Variants in PITPNM1 observed in about 807,000 individuals in gnomAD.
The protein encoded by PITPNM1 is phosphatidylinositol transfer protein membrane associated 1, also known as membrane-associated phosphatidylinositol transfer protein 1.
PITPNM1 carries 74 observed loss-of-function variants against 133.3 expected under a neutral mutation model. The observed-to-expected ratio is 0.56, with a 90% CI of 0.46 to 0.67. PITPNM1 has a LOEUF of 0.67. PITPNM1 is among the 30% of genes least tolerant of loss of function. The pLI, the probability that PITPNM1 is intolerant of heterozygous loss-of-function variation, is 0.00. For synonymous variants in PITPNM1, 738 were observed against 741.4 expected (o/e 1.00, Z 0.08); for missense variants, 1,398 against 1,739.5 (o/e 0.80, Z 3.49).
rs1866413630 is a variant in PITPNM1 at position 67,504,035 on chromosome 11, G to A, written c.78+68C>T. The A allele has an allele frequency of 1.6e-6, 2 of 1,287,586 alleles. No individual in the cohort carries two copies. Among genetic ancestry groups the A allele is most frequent in the Non-Finnish European group, 1.1e-6 (1 of 932,580 alleles). The allele number at this position is 1,287,586 out of a possible 1,614,324, so 79.8% of individuals were successfully genotyped here. On this transcript the variant is annotated intron_variant, in intron 2 of 23. Coordinates refer to ENST00000356404, the MANE Select transcript of PITPNM1 (RefSeq NM_004910.3). The surrounding 1 kb of genome is among the most constrained non-coding windows in gnomAD (Gnocchi z 5.4). Reference sequence around the variant, plus strand: ...CGGGCTCCCAGCCGGTCCCAGCCCCGGGGCAGGGCTGGCGGGGTCGGCAGG... The same window carrying A: ...CGGGCTCCCAGCCGGTCCCAGCCCCAGGGCAGGGCTGGCGGGGTCGGCAGG...
Position 67,501,973 on chromosome 11 carries a change from C to A in PITPNM1, c.529G>T (p.Ala177Ser). 6.2e-7 allele frequency: 1 copy of A among 1,613,586 alleles called. No homozygotes were observed. The highest frequency in any genetic ancestry group is 1.1e-5 in the South Asian group (1 of 91,090). ...TGRGPLSDDW[A>S]RTAAQTGPLM... ...GGCCCCGTCTGTGCCGCCGTCCGTG[C>A]CCAGTCATCAGACAGTGGCCCTCGG... Residue 177 changes from alanine to serine, a missense_variant, in exon 5 of 24, where the codon GCA (alanine) becomes TCA (serine). Physicochemically the swap from Ala to Ser is moderately conservative, Grantham distance 99 (BLOSUM62 1). Coordinates refer to ENST00000356404, the MANE Select transcript of PITPNM1 (RefSeq NM_004910.3).
At chr11:67,492,360 G>C in intron 23 of PITPNM1, 64 bp from the exon 24 acceptor site, 9 of 1,453,584 alleles carry the variant, frequency 6.2e-6, no homozygotes, top group Non-Finnish European at 6.4e-6. Flanking sequence ...TGCCCTCCAC[G>C]GTCCTCCAGA....
chr11:67,502,348 C>T lies in PITPNM1; in HGVS notation c.359G>A (p.Gly120Glu). 1 of 1,613,716 alleles carries T rather than the reference C, an allele frequency of 6.2e-7. No homozygotes were observed. The highest frequency in any genetic ancestry group is 8.5e-7 in the Non-Finnish European group (1 of 1,179,992). The change falls in exon 4 of 24, where the codon GGG becomes GAG. Residue 120 changes from glycine (G) to glutamate (E), a missense_variant. This residue lies in a region of PITPNM1 where 274 missense variants were observed against 360.7 expected (regional missense o/e 0.76). Transcript: ENST00000356404. This position sits in a 1 kb window ranked among gnomAD's most constrained non-coding sequence, Gnocchi z 5.9. ...CAGGTTGAAGACGTTTGGCTGCTGCCCCCCATCAGGCAGGTAATAGGTCTC... is the reference window on the plus strand; with the variant it reads ...CAGGTTGAAGACGTTTGGCTGCTGCTCCCCATCAGGCAGGTAATAGGTCTC... Reference protein sequence around the residue: ...EIETYYLPDGGQQPNVFNLSG... With the variant: ...EIETYYLPDGEQQPNVFNLSG...
Position 67,502,548 on chromosome 11 carries a change from C to T in PITPNM1, c.249G>A (p.Gln83=). ...FRALLPKAAL[Q]VEEESWNAYP... is the part of the protein sequence containing the mutation. ...AGGCATTCCAGGATTCCTCTTCTACCTGCAGGGCAGCCTTGGGCAGCAGTG... is the reference window on the plus strand; with the variant it reads ...AGGCATTCCAGGATTCCTCTTCTACTTGCAGGGCAGCCTTGGGCAGCAGTG... The change falls in exon 3 of 24, where the codon CAG becomes CAA. Residue 83 remains glutamine, a synonymous_variant. Coordinates refer to ENST00000356404, the MANE Select transcript of PITPNM1 (RefSeq NM_004910.3). This position sits in a 1 kb window ranked among gnomAD's most constrained non-coding sequence, Gnocchi z 5.9. 1 of 1,613,740 alleles carries T rather than the reference C, an allele frequency of 6.2e-7. No individual in the cohort carries two copies. Among genetic ancestry groups the T allele is most frequent in the Non-Finnish European group, 8.5e-7 (1 of 1,180,008 alleles).
chr11:67,498,206 G>A lies in PITPNM1; in HGVS notation c.1601C>T (p.Thr534Ile). Residue 534 changes from threonine (T) to isoleucine (I), a missense_variant, in exon 11 of 24, where the codon ACC becomes ATC. Around this residue, in one of 5 missense-constraint regions of PITPNM1, gnomAD observed 574 missense variants for 698.7 expected, o/e 0.82. Transcript: ENST00000356404. The surrounding 1 kb of genome is among the most constrained non-coding windows in gnomAD (Gnocchi z 5.7). ...SSSRYQGAVATVIARTNQAYS... is the reference protein window; with the variant it reads ...SSSRYQGAVAIVIARTNQAYS... ...GGCCTGGTTGGTGCGGGCAATGACG[G>A]TGGCCACGGCGCCCTGGTAGCGGGA... 1 of 1,613,206 alleles carries A rather than the reference G, an allele frequency of 6.2e-7. No homozygotes were observed. The highest frequency in any genetic ancestry group is 8.5e-7 in the Non-Finnish European group (1 of 1,179,888).
Position 67,494,966 on chromosome 11 carries a change from A to C in PITPNM1, c.2632-10T>G. On this transcript the variant is annotated splice_polypyrimidine_tract_variant and intron_variant, in intron 17 of 23. Coordinates refer to ENST00000356404, the MANE Select transcript of PITPNM1 (RefSeq NM_004910.3). ...GCTCCTTCTCGATCACCTGCACGGG[A>C]CAGGGGGCGAGGCCTCTGTCTCTTA... is the stretch of plus-strand genomic sequence containing the variant. 9 of 1,611,266 alleles carry C rather than the reference A, an allele frequency of 5.6e-6. No individual in the cohort carries two copies. Among genetic ancestry groups the C allele is most frequent in the Non-Finnish European group, 7.6e-6 (9 of 1,179,008 alleles).
rs1302165290 is a variant in PITPNM1 at position 67,502,184 on chromosome 11, G to C, written c.416-98C>G. 120 of 1,552,480 alleles carry C rather than the reference G, an allele frequency of 7.7e-5. No individual in the cohort carries two copies. Among genetic ancestry groups the C allele is most frequent in the Non-Finnish European group, 1.0e-4 (117 of 1,141,064 alleles). On this transcript the variant is annotated intron_variant, in intron 4 of 23. Coordinates refer to ENST00000356404, the MANE Select transcript of PITPNM1 (RefSeq NM_004910.3). This position sits in a 1 kb window ranked among gnomAD's most constrained non-coding sequence, Gnocchi z 5.9. ...GGATGACAGTTCCCGTCCTTTTGCA[G>C]ACAGGACATGAGGCCTGGAGAGGGC...
In PITPNM1 at chr11:67,504,350, G is replaced by A. The variant is rs896512996; in HGVS notation, c.-41-129C>T. ...CCCGCCACGAGGGAGGCAGAGGCGAGCCTAGCACCGCCGCCCGCGCCGCCG... is the reference window on the plus strand; with the variant it reads ...CCCGCCACGAGGGAGGCAGAGGCGAACCTAGCACCGCCGCCCGCGCCGCCG... On this transcript the variant is annotated intron_variant, in intron 1 of 23. Coordinates refer to ENST00000356404, the MANE Select transcript of PITPNM1 (RefSeq NM_004910.3). The surrounding 1 kb of genome is among the most constrained non-coding windows in gnomAD (Gnocchi z 5.4). The A allele has an allele frequency of 3.0e-5, 9 of 304,982 alleles. No individual in the cohort carries two copies. The highest frequency in any genetic ancestry group is 5.4e-5 in the East Asian group (1 of 18,626). 18.9% of individuals were successfully genotyped at this position (304,982 alleles called of 1,614,324 possible).
At chr11:67,500,896 G>A (rs1375769512) in intron 5 of PITPNM1, among the ~76,000 whole-genome samples, 3 of 152,246 alleles carry the variant, frequency 2.0e-5, no homozygotes, top group Non-Finnish European at 4.4e-5. Context: ...GAAAAAGTTA[G>A]AAACTCTTAA....
rs769393598 is a variant in PITPNM1 at position 67,498,268 on chromosome 11, A to G, written c.1539T>C (p.Ile513=). 3.1e-6 allele frequency: 5 copies of G among 1,610,518 alleles called. No homozygotes were observed. In the African/African-American group the frequency reaches 6.7e-5, roughly 22 times the overall value. ...CCAGCAGTGGCAGGGCAGCCAGTGG[A>G]ATGTGGTCTTGGGAGCGAGACAGGC... ...GDSLSRSQDH[I]PLAALPLLAT... Residue 513 remains isoleucine (I), a synonymous_variant, in exon 11 of 24, where the codon ATT becomes ATC. Transcript: ENST00000356404. This position sits in a 1 kb window ranked among gnomAD's most constrained non-coding sequence, Gnocchi z 5.7.
rs1865942685 is a variant in PITPNM1, at chr11:67,492,113, C to CA, written c.3654dup (p.Glu1219Ter). 17 of 1,612,098 alleles carry CA rather than the reference C, an allele frequency of 1.1e-5. No homozygotes were observed. The highest frequency in any genetic ancestry group is 1.7e-5 in the Admixed American group (1 of 59,994). On this transcript the variant is annotated frameshift_variant, in exon 24 of 24. Coordinates refer to ENST00000356404, the MANE Select transcript of PITPNM1 (RefSeq NM_004910.3). LOFTEE classifies it high-confidence loss of function. ...GTGGTGGGTGGTGTTCCCGGGCCCT[C>CA]ACGCTCCGCCTGGCTGGGGCCCCTC...
intron 20 of PITPNM1, 33 bp downstream of exon 20, chr11:67,493,889 C>A (rs1158266521): frequency 1.3e-6 from 2 of 1,527,964 alleles, no homozygotes; most frequent in Non-Finnish European, 1.8e-6. Flanking sequence ...CCTGGCGGAG[C>A]CCTCCCGCAG....
rs141205322 is a variant in PITPNM1, at chr11:67,497,323, C to T, written c.2054G>A (p.Arg685His). ...EAPDGPSSTARLDFKVSGFFL... is the reference protein window; with the variant it reads ...EAPDGPSSTAHLDFKVSGFFL... Reference sequence around the variant, plus strand: ...GAAGCCAGAGACCTTGAAGTCAAGGCGGGCAGTGCTGCTGGGGCCGTCAGG... The same window carrying T: ...GAAGCCAGAGACCTTGAAGTCAAGGTGGGCAGTGCTGCTGGGGCCGTCAGG... The change falls in exon 14 of 24, where the codon CGC becomes CAC. Residue 685 changes from arginine to histidine, a missense_variant. Arg to His is a conservative substitution (Grantham distance 29, BLOSUM62 0). Transcript: ENST00000356404. The T allele has an allele frequency of 3.9e-4, 629 of 1,611,904 alleles. 1 individual carries two copies. In the African/African-American group the frequency reaches 7.5e-3, roughly 19 times the overall value.
upstream of PITPNM1, chr11:67,506,232 C>T (rs111777487): frequency 6.0e-6 from 1 of 165,720 alleles, no homozygotes; most frequent in Admixed American, 6.4e-5. Flanking sequence ...GAAGCGCCCT[C>T]CAGGCCCAGG....
Position 67,492,032 on chromosome 11 carries a change from C to T in PITPNM1, c.*1G>A. 2 of 1,611,680 alleles carry T rather than the reference C, an allele frequency of 1.2e-6. No individual in the cohort carries two copies. Among genetic ancestry groups the T allele is most frequent in the Non-Finnish European group, 8.5e-7 (1 of 1,179,386 alleles). Reference sequence around the variant, plus strand: ...AACCCAGGTCCAGGCTGGTGTGGGCCTCACTCCTCGCTGTCCAGCTTCAGG... The same window carrying T: ...AACCCAGGTCCAGGCTGGTGTGGGCTTCACTCCTCGCTGTCCAGCTTCAGG... On this transcript the variant is annotated 3_prime_UTR_variant, in exon 24 of 24. Transcript: ENST00000356404.
At chr11:67,495,259 C>T in intron 16 of PITPNM1, 34 bp from the exon 17 acceptor site, 4 of 1,552,626 alleles carry the variant, frequency 2.6e-6, no homozygotes, top group Non-Finnish European at 3.5e-6. Context: ...AGGATGGCCT[C>T]CTGCCCCACA....
In PITPNM1 at chr11:67,499,817, G is replaced by A. The variant is rs765032926; in HGVS notation, c.1077C>T (p.Asp359=). The change falls in exon 8 of 24, where the codon GAC becomes GAT. Residue 359 remains aspartate, a synonymous_variant. Coordinates refer to ENST00000356404, the MANE Select transcript of PITPNM1 (RefSeq NM_004910.3). ...EFFDAHEGFS[D]SEEVFPKEMT... ...TCTCCTTGGGGAAGACCTCCTCACTGTCCGAGAAGCCTTCTGAGGGGACAG... is the reference window on the plus strand; with the variant it reads ...TCTCCTTGGGGAAGACCTCCTCACTATCCGAGAAGCCTTCTGAGGGGACAG... 2 of 1,570,584 alleles carry A rather than the reference G, an allele frequency of 1.3e-6. No individual in the cohort carries two copies. The highest frequency in any genetic ancestry group is 2.3e-5 in the East Asian group (1 of 43,894).
chr11:67,493,337 G>A (rs1285862833), intron 22 of PITPNM1, 73 bp downstream of exon 22: 9 of 1,415,428 alleles, frequency 6.4e-6, no homozygotes, highest in African/African-American at 1.4e-5. Context: ...ATGGGCCTCC[G>A]CCGATCCGGG....
In PITPNM1 at chr11:67,498,228, G is replaced by A. The variant is rs758620886; in HGVS notation, c.1579C>T (p.Arg527Cys). The A allele has an allele frequency of 1.6e-5, 26 of 1,612,626 alleles. No individual in the cohort carries two copies. Among genetic ancestry groups the A allele is most frequent in the South Asian group, 6.6e-5 (6 of 91,036 alleles). The change falls in exon 11 of 24, where the codon CGC becomes TGC. Residue 527 changes from arginine (R) to cysteine (C), a missense_variant. This residue lies in a region of PITPNM1 where 574 missense variants were observed against 698.7 expected (regional missense o/e 0.82). Transcript: ENST00000356404. This position sits in a 1 kb window ranked among gnomAD's most constrained non-coding sequence, Gnocchi z 5.7. ...ALPLLATSSSRYQGAVATVIA... is the reference protein window; with the variant it reads ...ALPLLATSSSCYQGAVATVIA... Reference sequence around the variant, plus strand: ...ACGGTGGCCACGGCGCCCTGGTAGCGGGAGGATGAGGTGGCCAGCAGTGGC... The same window carrying A: ...ACGGTGGCCACGGCGCCCTGGTAGCAGGAGGATGAGGTGGCCAGCAGTGGC...
Sources: allele counts gnomAD v4.1 joint callset (sites outside exome capture counted in the v4.1 genomes callset), GRCh38; gene constraint gnomAD v4.1.1; regional missense constraint gnomAD v4.1.1; non-coding constraint Gnocchi (gnomAD v3.1); transcripts MANE v1.5; gene names NCBI Gene and HGNC (gene_info 2026-07-23, HGNC 2026-07-21).